The following BIRC6 variants were observed in gnomAD, a reference collection of about 807,000 sequenced individuals.
The protein encoded by BIRC6 is dual E2 ubiquitin-conjugating enzyme/E3 ubiquitin-protein ligase BIRC6.
BIRC6 carries 98 observed loss-of-function variants against 503.3 expected under a neutral mutation model. That is an observed-to-expected ratio of 0.19 (90% CI 0.17 to 0.23). The LOEUF (loss-of-function observed/expected upper bound fraction) is 0.23. Among genes scored for constraint, BIRC6 ranks in the 10% least tolerant of loss-of-function variants. The pLI is 1.00. For synonymous variants in BIRC6, 2,240 were observed against 2,078.7 expected (o/e 1.08, Z -2.11); for missense variants, 5,360 against 5,806.0 (o/e 0.92, Z 2.50).
intron 23 of BIRC6, among the ~76,000 whole-genome samples, 179 bp downstream of exon 23, chr2:32,454,121 T>G (rs548145482): frequency 2.0e-5 from 3 of 152,334 alleles, no homozygotes; most frequent in African/African-American, 7.2e-5. Flanking sequence ...CCTAAGTCAA[T>G]TCACAGGGTT....
intron 72 of BIRC6, among the ~76,000 whole-genome samples, chr2:32,610,507 A>AT (rs1404967565): frequency 6.6e-6 from 1 of 152,218 alleles, no homozygotes; most frequent in African/African-American, 2.4e-5. Context: ...ATTTCTGGGG[A>AT]TTTCTGTGTG....
chr2:32,396,220 A>G (rs1007683597), intron 6 of BIRC6, among the ~76,000 whole-genome samples: 1 of 152,144 alleles, frequency 6.6e-6, no homozygotes, highest in Non-Finnish European at 1.5e-5. Flanking sequence ...TACTATTGTA[A>G]TCTCCATTTT....
chr2:32,523,487 T>C (rs1383566890), intron 57 of BIRC6: 1 of 152,224 alleles, frequency 6.6e-6, no homozygotes, highest in Non-Finnish European at 1.5e-5. Context: ...TGTGTCAGTA[T>C]GTTTGCCATT....
intron 66 of BIRC6, among the ~76,000 whole-genome samples, chr2:32,588,730 A>C (rs1214382780): frequency 6.6e-6 from 1 of 152,224 alleles, no homozygotes; most frequent in Non-Finnish European, 1.5e-5. Context: ...AGTAACTCTC[A>C]GTTACCTCCA....
chr2:32,450,714 C>T (rs1294953506), intron 22 of BIRC6, among the ~76,000 whole-genome samples: 4 of 152,100 alleles, frequency 2.6e-5, no homozygotes, highest in Non-Finnish European at 5.9e-5. Flanking sequence ...CAGGACTCCT[C>T]GCAGACAACA....
chr2:32,575,814 A>G (rs2060230840), intron 66 of BIRC6, among the ~76,000 whole-genome samples: 1 of 152,196 alleles, frequency 6.6e-6, no homozygotes, highest in South Asian at 2.1e-4. Context: ...CAAGCAATAA[A>G]TAAACATACA....
intron 1 of BIRC6, among the ~76,000 whole-genome samples, chr2:32,368,617 G>C (rs930061249): frequency 6.6e-6 from 1 of 152,112 alleles, no homozygotes; most frequent in African/African-American, 2.4e-5. Context: ...CTTTAGAGAA[G>C]TTTGTTTAGT....
At chr2:32,406,398 C>G in intron 8 of BIRC6, 101 bp from the exon 9 acceptor site, 2 of 842,104 alleles carry the variant, frequency 2.4e-6, no homozygotes, top group Non-Finnish European at 3.8e-6. Context: ...GACCCTGTCT[C>G]AAAAAAACCC....
chr2:32,604,874 TTTTTC>T (rs1320026038), intron 71 of BIRC6, among the ~76,000 whole-genome samples: 4 of 149,244 alleles, frequency 2.7e-5, no homozygotes. Flanking sequence ...TCTTTTTTCT[TTTTTC>T]TTTTTCTTTT....
chr2:32,603,124 G>T lies in BIRC6; in HGVS notation c.14070+41G>T, dbSNP rs536350058. 2.0e-6 allele frequency: 3 copies of T among 1,528,340 alleles called. No individual in the cohort carries two copies. The African/African-American group carries it at 4.2e-5, about 21-fold the overall frequency. The allele number at this position is 1,528,340 out of a possible 1,614,324, so 94.7% of individuals were successfully genotyped here. ...CTGACATTTTCACTTAAGAAATAAA[G>T]AACTGTGTAGTATTTTAAAAAATTT... On this transcript the variant is annotated intron_variant, in intron 71 of 73. Transcript: ENST00000421745.
chr2:32,380,918 A>T (rs925743838), intron 3 of BIRC6, among the ~76,000 whole-genome samples: 2 of 152,172 alleles, frequency 1.3e-5, no homozygotes, highest in Admixed American at 1.3e-4. Context: ...GGATGCTTGG[A>T]TAAGAATGGA....
chr2:32,495,007 T>C (rs1185984435), intron 45 of BIRC6, among the ~76,000 whole-genome samples: 3 of 152,224 alleles, frequency 2.0e-5, no homozygotes, highest in Admixed American at 2.0e-4. Context: ...ATACATACTT[T>C]GTGAGGATTT....
chr2:32,513,976 C>T lies in BIRC6; in HGVS notation c.10568+822C>T, dbSNP rs115418247. On this transcript the variant is annotated intron_variant, in intron 54 of 73. Coordinates refer to ENST00000421745, the MANE Select transcript of BIRC6 (RefSeq NM_016252.4). ...GTTCCAGCTACTTGGGAGGCTGAGG[C>T]GCAAGAATTGTTTGAGTCTGCAGAA... Among the ~76,000 whole-genome samples, 1,313 of 142,404 alleles carry T rather than the reference C, an allele frequency of 9.2e-3. 10 individuals carry two copies. Among genetic ancestry groups the T allele is most frequent in the Non-Finnish European group, 0.015 (980 of 65,730 alleles). 93.4% of individuals were successfully genotyped at this position (142,404 alleles called of 152,430 possible).
At position 32,485,607 on chromosome 2, in the gene BIRC6, T is replaced by C. The variant is rs768373759; in HGVS notation, c.7697-36T>C. ...GGAGGTAGGACATGAGTAATAATTGTCAATGTTTTCTTTTTCTTTCAATTG... is the reference window on the plus strand; with the variant it reads ...GGAGGTAGGACATGAGTAATAATTGCCAATGTTTTCTTTTTCTTTCAATTG... On this transcript the variant is annotated intron_variant, in intron 39 of 73. Coordinates refer to ENST00000421745, the MANE Select transcript of BIRC6 (RefSeq NM_016252.4). The C allele has an allele frequency of 2.5e-5, 34 of 1,370,938 alleles. No individual in the cohort carries two copies. The Admixed American group carries it at 5.8e-4, about 24-fold the overall frequency. 84.9% of individuals were successfully genotyped at this position (1,370,938 alleles called of 1,614,324 possible).
At chr2:32,444,786 A>C (rs1028132374) in intron 20 of BIRC6, among the ~76,000 whole-genome samples, 4 of 152,178 alleles carry the variant, frequency 2.6e-5, no homozygotes, top group South Asian at 2.1e-4. Context: ...AGTTGTTGAA[A>C]AGTTATATCA....
chr2:32,491,010 C>G (rs777707989), intron 43 of BIRC6, among the ~76,000 whole-genome samples: 1 of 152,072 alleles, frequency 6.6e-6, no homozygotes, highest in African/African-American at 2.4e-5. Flanking sequence ...CACAGTTAAC[C>G]TGTATACAAC....
intron 23 of BIRC6, among the ~76,000 whole-genome samples, chr2:32,461,842 C>T (rs931807571): frequency 2.8e-4 from 43 of 151,974 alleles, no homozygotes; most frequent in Non-Finnish European, 5.4e-4. Context: ...GTACCTCATA[C>T]GTATAATAGT....
In BIRC6 at chr2:32,469,403, G is replaced by A. The variant is rs1469458560; in HGVS notation, c.6136G>A (p.Val2046Ile). The A allele has an allele frequency of 6.2e-7, 1 of 1,612,742 alleles. No individual in the cohort carries two copies. Among genetic ancestry groups the A allele is most frequent in the Non-Finnish European group, 8.5e-7 (1 of 1,179,352 alleles). ...SLLHASNGHS[V>I]PAVLQSTFHA... Reference sequence around the variant, plus strand: ...TTTCTTTCTTGTAATAGGACACTCTGTTCCTGCAGTTTTGCAGAGCACATT... The same window carrying A: ...TTTCTTTCTTGTAATAGGACACTCTATTCCTGCAGTTTTGCAGAGCACATT... Residue 2046 changes from valine (V) to isoleucine (I), a missense_variant, in exon 30 of 74, where the codon GTT becomes ATT. Val to Ile is a conservative substitution (Grantham distance 29). This residue lies in a region of BIRC6 where 2,299 missense variants were observed against 2,267.2 expected (regional missense o/e 1.01). Coordinates refer to ENST00000421745, the MANE Select transcript of BIRC6 (RefSeq NM_016252.4).
chr2:32,439,598 G>A lies in BIRC6; in HGVS notation c.3722G>A (p.Arg1241His), dbSNP rs747518931. 1.8e-5 allele frequency: 29 copies of A among 1,613,618 alleles called. No individual in the cohort carries two copies. Among genetic ancestry groups the A allele is most frequent in the Non-Finnish European group, 2.2e-5 (26 of 1,179,724 alleles). Reference sequence around the variant, plus strand: ...GAAGAGATTTGTAATGGTGGTATGCGTCCTGTAGTAAGGCTTCCATCCCTA... The same window carrying A: ...GAAGAGATTTGTAATGGTGGTATGCATCCTGTAGTAAGGCTTCCATCCCTA... ...GTEEICNGGM[R>H]PVVRLPSLKH... is the part of the protein sequence containing the mutation. The change falls in exon 16 of 74, where the codon CGT (arginine) becomes CAT (histidine). Residue 1241 changes from arginine to histidine, a missense_variant. Transcript: ENST00000421745.
Sources: gnomAD v4.1 joint callset for allele counts (sites outside exome capture counted in the v4.1 genomes callset) on GRCh38, gnomAD v4.1.1 for gene constraint, gnomAD v4.1.1 regional missense constraint, MANE v1.5 for transcripts, NCBI Gene and HGNC (gene_info 2026-07-23, HGNC 2026-07-21) for gene names.